The following DNAH7 variants were observed in gnomAD, a reference collection of about 807,000 sequenced individuals.
DNAH7 encodes dynein axonemal heavy chain 7.
In DNAH7, 397 loss-of-function variants were observed where a neutral mutation model predicts 444.6. The observed-to-expected ratio is 0.89, with a 90% confidence interval of 0.82 to 0.97. The LOEUF is 0.97. DNAH7 is among the 50% of genes least tolerant of loss of function. DNAH7 has a pLI of 0.00. For synonymous variants in DNAH7, 1,636 were observed against 1,624.4 expected, an observed-to-expected ratio of 1.01 and a Z score of -0.17; for missense variants, 4,902 against 4,800.8, an observed-to-expected ratio of 1.02 and a Z score of -0.62.
chr2:195,910,473 T>C (rs1199168763), intron 24 of DNAH7, among the ~76,000 whole-genome samples: 1 of 152,178 alleles, frequency 6.6e-6, no homozygotes, highest in Non-Finnish European at 1.5e-5. Context: ...CAGTTGACTT[T>C]GAATCCCCTA....
At chr2:195,956,302 A>C (rs1335830548) in intron 19 of DNAH7, among the ~76,000 whole-genome samples, 1 of 152,214 alleles carries the variant, frequency 6.6e-6, no homozygotes, top group East Asian at 1.9e-4. Context: ...ATGATTTAAT[A>C]ACTTTTTTCT....
Position 195,806,747 on chromosome 2 carries a change from G to T in DNAH7, c.10169C>A (p.Pro3390Gln). The T allele has an allele frequency of 6.2e-7, 1 of 1,613,072 alleles. No homozygotes were observed. Residue 3390 changes from proline to glutamine, a missense_variant, in exon 54 of 65, where the codon CCA becomes CAA. Physicochemically the swap from Pro to Gln is moderately conservative, Grantham distance 76 (BLOSUM62 -1). Coordinates refer to ENST00000312428, the MANE Select transcript of DNAH7 (RefSeq NM_018897.3). Reference protein sequence around the residue: ...QRMLIIRCLRPDKVIPMLQEF... With the variant: ...QRMLIIRCLRQDKVIPMLQEF... ...TTCAAAGCCCACATTTACCTTGTCT[G>T]GCCTCAAGCAACGAATAATAAGCAT...
intron 10 of DNAH7, among the ~76,000 whole-genome samples, chr2:196,004,085 G>C (rs1271658470): frequency 6.6e-6 from 1 of 152,156 alleles, no homozygotes; most frequent in Non-Finnish European, 1.5e-5. Context: ...TAGAACTGAG[G>C]ATGGAGAAGA....
At chr2:196,009,981 G>A (rs575453761) in intron 10 of DNAH7, among the ~76,000 whole-genome samples, 15 of 152,196 alleles carry the variant, frequency 9.9e-5, no homozygotes, top group Admixed American at 5.9e-4. Flanking sequence ...ATTCATCAGG[G>A]AAATGCAAAT....
Position 195,771,889 on chromosome 2 carries a change from G to A in DNAH7, c.11204C>T (p.Ser3735Phe), listed in dbSNP as rs781248681. Reference protein sequence around the residue: ...LLFDNILLTQSRSAGAGAKSS... With the variant: ...LLFDNILLTQFRSAGAGAKSS... ...TTTTGCACCAGCACCTGCTGAACGA[G>A]ACTATGAAGAATCCAAACTATAACT... The change falls in exon 61 of 65, where the codon TCT becomes TTT. Residue 3735 changes from serine (S) to phenylalanine (F), a missense_variant and splice_region_variant. Ser to Phe is a radical substitution (Grantham distance 155, BLOSUM62 -2). Transcript: ENST00000312428. 9 of 1,613,754 alleles carry A rather than the reference G, an allele frequency of 5.6e-6. No individual in the cohort carries two copies. Among genetic ancestry groups the A allele is most frequent in the Middle Eastern group, 1.7e-4 (1 of 6,060 alleles).
At chr2:195,940,301 G>C (rs1438900726) in intron 19 of DNAH7, among the ~76,000 whole-genome samples, 1 of 152,168 alleles carries the variant, frequency 6.6e-6, no homozygotes, top group Non-Finnish European at 1.5e-5. Context: ...AAATGGTGCT[G>C]AGAAAACTGG....
intron 15 of DNAH7, among the ~76,000 whole-genome samples, chr2:195,976,814 A>T (rs1041877149): frequency 7.1e-6 from 1 of 141,818 alleles, no homozygotes; most frequent in Admixed American, 7.4e-5. Context: ...GGAGAAATTA[A>T]GGGAAGAGAA....
chr2:195,940,423 G>A (rs993903918), intron 19 of DNAH7, among the ~76,000 whole-genome samples: 7 of 151,986 alleles, frequency 4.6e-5, no homozygotes, highest in African/African-American at 1.7e-4. Flanking sequence ...AAAAACCCTA[G>A]AAAAAGAAAA....
At chr2:195,881,437 T>C (rs1392802200) in intron 36 of DNAH7, among the ~76,000 whole-genome samples, 2 of 152,182 alleles carry the variant, frequency 1.3e-5, no homozygotes, top group East Asian at 3.8e-4. Context: ...ATAATAATCC[T>C]TCAGATATAA....
chr2:195,875,659 A>T lies in DNAH7; in HGVS notation c.6286+16T>A. On this transcript the variant is annotated intron_variant, in intron 38 of 64. Transcript: ENST00000312428. ...AGATTTTTCCATCTTAGTAATCACA[A>T]ACTCAAAAAATGTACCTGGAGGTCC... The T allele has an allele frequency of 6.5e-7, 1 of 1,541,974 alleles. No homozygotes were observed. The highest frequency in any genetic ancestry group is 1.3e-5 in the South Asian group (1 of 79,858).
At chr2:195,868,998 C>T (rs181144747) in intron 40 of DNAH7, among the ~76,000 whole-genome samples, 65 of 151,736 alleles carry the variant, frequency 4.3e-4, no homozygotes, top group Non-Finnish European at 6.9e-4. Flanking sequence ...GTGTTAAGTT[C>T]AATTGTTGCA....
chr2:195,837,710 A>C (rs1239009017), intron 47 of DNAH7, among the ~76,000 whole-genome samples: 1 of 152,156 alleles, frequency 6.6e-6, no homozygotes, highest in African/African-American at 2.4e-5. Flanking sequence ...AACCCCACTC[A>C]CAGAACTGTA....
intron 59 of DNAH7, 118 bp from the exon 60 acceptor site, chr2:195,776,101 T>A: frequency 7.9e-7 from 1 of 1,269,858 alleles, no homozygotes; most frequent in Non-Finnish European, 1.1e-6. Flanking sequence ...CCTGTGACAC[T>A]GGACATTGAG....
intron 2 of DNAH7, among the ~76,000 whole-genome samples, 163 bp from the exon 3 acceptor site, chr2:196,051,412 T>C (rs1697458211): frequency 6.6e-6 from 1 of 152,222 alleles, no homozygotes; most frequent in African/African-American, 2.4e-5. Context: ...TGTCTCAGAA[T>C]TGTTTTCTTT....
chr2:195,774,742 T>C (rs1400532350), intron 60 of DNAH7, among the ~76,000 whole-genome samples: 1 of 152,240 alleles, frequency 6.6e-6, no homozygotes. Context: ...TAGCATTGCA[T>C]TGTTATACAT....
intron 12 of DNAH7, among the ~76,000 whole-genome samples, chr2:195,999,818 C>T (rs1221658448): frequency 6.6e-6 from 1 of 151,950 alleles, no homozygotes; most frequent in African/African-American, 2.4e-5. Flanking sequence ...AAGCAAAACA[C>T]CAATTACTTA....
At chr2:195,768,471 T>G (rs1421983044) in intron 61 of DNAH7, among the ~76,000 whole-genome samples, 5 of 151,930 alleles carry the variant, frequency 3.3e-5, no homozygotes, top group African/African-American at 1.2e-4. Context: ...CTGGATAATA[T>G]TTAGATTAAT....
chr2:195,771,896 A>C lies in DNAH7; in HGVS notation c.11203-6T>G. ...CCAGCACCTGCTGAACGAGACTATG[A>C]AGAATCCAAACTATAACTCAAAAAT... On this transcript the variant is annotated splice_polypyrimidine_tract_variant and splice_region_variant and intron_variant, in intron 60 of 64. Coordinates refer to ENST00000312428, the MANE Select transcript of DNAH7 (RefSeq NM_018897.3). 6.2e-7 allele frequency: 1 copy of C among 1,613,150 alleles called. No homozygotes were observed. The highest frequency in any genetic ancestry group is 1.7e-4 in the Middle Eastern group (1 of 6,056).
At chr2:195,985,861 T>A (rs1369979884) in intron 14 of DNAH7, among the ~76,000 whole-genome samples, 2 of 152,220 alleles carry the variant, frequency 1.3e-5, no homozygotes, top group East Asian at 3.8e-4. Context: ...GGTTCCTAGA[T>A]AAGGTACTCA....
Sources: allele counts gnomAD v4.1 joint callset (sites outside exome capture counted in the v4.1 genomes callset), GRCh38; gene constraint gnomAD v4.1.1; transcripts MANE v1.5; gene names NCBI Gene and HGNC (gene_info 2026-07-23, HGNC 2026-07-21).